The following PTPRD variants were observed in gnomAD, a reference collection of about 807,000 sequenced individuals.
PTPRD encodes the protein protein tyrosine phosphatase receptor type D.
In PTPRD, 34 loss-of-function variants were observed where a neutral mutation model predicts 214.5. That is an observed-to-expected ratio of 0.16 (90% confidence interval 0.12 to 0.21). The LOEUF (loss-of-function observed/expected upper bound fraction) is 0.21, where lower values mean the gene tolerates loss of function less well. Ranked by LOEUF, PTPRD falls within the 10% of genes least tolerant of loss-of-function variation. The pLI is 1.00. For missense variants in PTPRD, 2,545 were observed against 2,398.7 expected (o/e 1.06, Z -1.27); for synonymous variants, 1,128 against 845.7 (o/e 1.33, Z -5.79).
chr9:9,892,849 G>T (rs1372773816), intron 5 of PTPRD, among the ~76,000 whole-genome samples: 1 of 151,908 alleles, frequency 6.6e-6, no homozygotes, highest in Admixed American at 6.6e-5. Context: ...ACTTAAAGAG[G>T]TACTGGTTAT....
intron 10 of PTPRD, among the ~76,000 whole-genome samples, chr9:9,106,840 C>A (rs972137679): frequency 6.6e-6 from 1 of 152,024 alleles, no homozygotes; most frequent in Non-Finnish European, 1.5e-5. Context: ...TTTGTTCTAT[C>A]TCTTATTATC....
chr9:9,235,737 C>T (rs777193092), intron 9 of PTPRD, among the ~76,000 whole-genome samples: 1 of 152,146 alleles, frequency 6.6e-6, no homozygotes, highest in African/African-American at 2.4e-5. Context: ...TTTCTGCCTC[C>T]AGAATCTTGT....
intron 10 of PTPRD, among the ~76,000 whole-genome samples, chr9:9,073,950 G>C (rs912743302): frequency 6.6e-6 from 1 of 152,010 alleles, no homozygotes; most frequent in Non-Finnish European, 1.5e-5. Flanking sequence ...TTCCCCACCT[G>C]TAAAATAAGG....
At chr9:9,505,574 G>A (rs1402489434) in intron 8 of PTPRD, among the ~76,000 whole-genome samples, 1 of 151,286 alleles carries the variant, frequency 6.6e-6, no homozygotes, top group Non-Finnish European at 1.5e-5. Flanking sequence ...TAAAGATATG[G>A]CTCAAGAAGC....
chr9:9,920,562 T>C (rs894459432), intron 5 of PTPRD, among the ~76,000 whole-genome samples: 1 of 152,142 alleles, frequency 6.6e-6, no homozygotes, highest in Admixed American at 6.5e-5. Context: ...TCTGAACGTT[T>C]AAAGCAACAA....
At chr9:10,351,912 C>G (rs1031311784) in intron 2 of PTPRD, among the ~76,000 whole-genome samples, 1 of 151,866 alleles carries the variant, frequency 6.6e-6, no homozygotes, top group Non-Finnish European at 1.5e-5. Flanking sequence ...TAGCAAACCT[C>G]CTTAGGAAAA....
intron 5 of PTPRD, among the ~76,000 whole-genome samples, chr9:9,883,019 G>T (rs772553374): frequency 2.0e-5 from 3 of 152,050 alleles, no homozygotes; most frequent in Non-Finnish European, 4.4e-5. Context: ...GCTACATGAG[G>T]TCTCATTTGA....
At chr9:10,398,945 T>C (rs1265342083) in intron 2 of PTPRD, among the ~76,000 whole-genome samples, 2 of 151,972 alleles carry the variant, frequency 1.3e-5, no homozygotes, top group Non-Finnish European at 2.9e-5. Context: ...CCAAAAATTG[T>C]GCTTGATTAT....
At chr9:8,585,787 T>G (rs72696687) in intron 14 of PTPRD, among the ~76,000 whole-genome samples, 7,120 of 152,288 alleles carry the variant, frequency 0.047, 321 homozygotes, top group African/African-American at 0.12. Context: ...GCACTTCTGA[T>G]TTCTCTGCCT....
intron 11 of PTPRD, among the ~76,000 whole-genome samples, chr9:8,838,342 T>C (rs536643320): frequency 6.6e-6 from 1 of 152,180 alleles, no homozygotes; most frequent in South Asian, 2.1e-4. Flanking sequence ...AAAAAAAAAT[T>C]ATTTAGAACC....
intron 8 of PTPRD, among the ~76,000 whole-genome samples, chr9:9,557,018 T>A (rs971818551): frequency 2.0e-5 from 3 of 152,192 alleles, no homozygotes; most frequent in Admixed American, 6.5e-5. Context: ...CAGTGCTTTA[T>A]CCACAGAATG....
chr9:9,771,296 T>C lies in PTPRD; in HGVS notation c.-367-4445A>G, dbSNP rs1458491838. On this transcript the variant is annotated intron_variant, in intron 5 of 45. Coordinates refer to ENST00000381196, the MANE Select transcript of PTPRD (RefSeq NM_002839.4). ...TATTTCTTTTAAGGTATCTGATAGT[T>C]AACACATTCATAAGTGTGTGTATAT... is the stretch of plus-strand genomic sequence containing the variant. Among the ~76,000 whole-genome samples the C allele has an allele frequency of 2.6e-5, 4 of 152,294 alleles. No homozygotes were observed. The South Asian group carries it at 6.2e-4, about 24-fold the overall frequency.
intron 9 of PTPRD, among the ~76,000 whole-genome samples, chr9:9,261,072 T>C (rs1050664113): frequency 6.6e-6 from 1 of 151,904 alleles, no homozygotes; most frequent in African/African-American, 2.4e-5. Context: ...ACATCTGGTA[T>C]TTTCTCATAA....
chr9:8,952,996 A>G (rs1392535981), intron 11 of PTPRD, among the ~76,000 whole-genome samples: 1 of 152,004 alleles, frequency 6.6e-6, no homozygotes, highest in African/African-American at 2.4e-5. Context: ...AGGCCCAGAA[A>G]TCTGTGGCTG....
chr9:8,669,341 G>C (rs1156740064), intron 12 of PTPRD, among the ~76,000 whole-genome samples: 6 of 152,112 alleles, frequency 3.9e-5, no homozygotes, highest in Non-Finnish European at 1.5e-5. Flanking sequence ...GGCTGGGGTA[G>C]ACCTGAGCAG....
chr9:9,950,054 G>A (rs919449306), intron 4 of PTPRD, among the ~76,000 whole-genome samples: 5 of 152,112 alleles, frequency 3.3e-5, no homozygotes, highest in African/African-American at 1.2e-4. Flanking sequence ...TACCATCATA[G>A]TCCAGCCCAT....
At chr9:10,119,881 G>T (rs963975882) in intron 3 of PTPRD, among the ~76,000 whole-genome samples, 2 of 151,970 alleles carry the variant, frequency 1.3e-5, no homozygotes, top group African/African-American at 4.8e-5. Context: ...ACGTAGGAGG[G>T]CATGCTTAGA....
At chr9:10,478,628 G>C (rs2099077945) in intron 2 of PTPRD, among the ~76,000 whole-genome samples, 1 of 152,006 alleles carries the variant, frequency 6.6e-6, no homozygotes, top group African/African-American at 2.4e-5. Flanking sequence ...TTCCAGCTGA[G>C]AAAAACACTA....
chr9:8,390,165 TA>T (rs146348357), intron 36 of PTPRD, among the ~76,000 whole-genome samples: 148 of 152,294 alleles, frequency 9.7e-4, no homozygotes, highest in African/African-American at 3.5e-3. Flanking sequence ...GTTCTCCATC[TA>T]ACATGAGAGC....
Sources: allele counts gnomAD v4.1 joint callset (sites outside exome capture counted in the v4.1 genomes callset), GRCh38; gene constraint gnomAD v4.1.1; transcripts MANE v1.5; gene names NCBI Gene and HGNC (gene_info 2026-07-23, HGNC 2026-07-21).